The following ZNF532 variants were observed in gnomAD, a reference collection of about 807,000 sequenced individuals.
The protein encoded by ZNF532 is zinc finger protein 532.
ZNF532 carries 22 observed loss-of-function variants against 89.3 expected under a neutral mutation model. The ratio of observed to expected loss-of-function variants is 0.25; its 90% confidence interval spans 0.18 to 0.35. The LOEUF (loss-of-function observed/expected upper bound fraction) is 0.35, where lower values mean the gene tolerates loss of function less well. Among genes scored for constraint, ZNF532 ranks in the 10% least tolerant of loss-of-function variants. The probability of loss-of-function intolerance (pLI) is 1.00; values close to 1 mark genes in which losing one functional copy is unlikely to be tolerated. For missense variants in ZNF532, 1,132 were observed against 1,643.4 expected (o/e 0.69, Z 5.38); for synonymous variants, 606 against 649.6 (o/e 0.93, Z 1.02).
chr18:58,870,394 G>A (rs1388097639), intron 2 of ZNF532, among the ~76,000 whole-genome samples: 3 of 152,122 alleles, frequency 2.0e-5, no homozygotes, highest in Non-Finnish European at 4.4e-5. Flanking sequence ...GAATATGTGA[G>A]GCAGTCAGAG....
chr18:58,942,210 G>A (rs888805232), intron 5 of ZNF532, among the ~76,000 whole-genome samples: 2 of 151,446 alleles, frequency 1.3e-5, no homozygotes, highest in Non-Finnish European at 2.9e-5. Context: ...TTTTAGTAGA[G>A]ATGGGGTTTC....
At chr18:58,925,220 T>C (rs139922198) in intron 3 of ZNF532, among the ~76,000 whole-genome samples, 1 of 152,328 alleles carries the variant, frequency 6.6e-6, no homozygotes, top group East Asian at 1.9e-4. Flanking sequence ...TGTATCATTC[T>C]ATATTCCCAG....
At position 58,906,813 on chromosome 18, in the gene ZNF532, ATACTATG is replaced by A. The variant is rs144677366; in HGVS notation, c.-17-11455_-17-11449del. On this transcript the variant is annotated intron_variant, in intron 2 of 9. Transcript: ENST00000591808. ...TTATGTGATCTGAATTCCAGTATTA[ATACTATG>A]TAGGAATCTGGCTGTAAAGATTGAA... is the stretch of plus-strand genomic sequence containing the variant. Among the ~76,000 whole-genome samples, 494 of 152,338 alleles carry A rather than the reference ATACTATG, an allele frequency of 3.2e-3. 2 individuals carry two copies. The highest frequency in any genetic ancestry group is 0.011 in the African/African-American group (465 of 41,572).
At chr18:58,873,313 C>T (rs1386505171) in intron 2 of ZNF532, among the ~76,000 whole-genome samples, 1 of 152,196 alleles carries the variant, frequency 6.6e-6, no homozygotes, top group East Asian at 1.9e-4. Flanking sequence ...TGAGCCACTG[C>T]ACCCAACTAT....
chr18:58,964,683 C>G (rs924770443), intron 7 of ZNF532, among the ~76,000 whole-genome samples: 9 of 151,690 alleles, frequency 5.9e-5, no homozygotes, highest in Non-Finnish European at 1.0e-4. Flanking sequence ...CACTCTTGGT[C>G]ACGAGCAATC....
At chr18:58,954,097 C>G in intron 7 of ZNF532, 1 of 1,085,168 alleles carries the variant, frequency 9.2e-7, no homozygotes, top group Non-Finnish European at 1.1e-6. Context: ...AAATAGTAAA[C>G]CAAGGTTAAA....
intron 3 of ZNF532, among the ~76,000 whole-genome samples, chr18:58,922,327 G>A (rs932447211): frequency 3.3e-5 from 5 of 152,140 alleles, no homozygotes; most frequent in African/African-American, 9.7e-5. Flanking sequence ...ACTGGTTTAA[G>A]TTCTTTGTAG....
Position 58,970,606 on chromosome 18 carries a change from C to T in ZNF532, c.3151-8449C>T, listed in dbSNP as rs969245856. 8.5e-5 allele frequency among the ~76,000 whole-genome samples: 13 copies of T among 152,296 alleles called. No homozygotes were observed. The South Asian group carries it at 1.7e-3, about 19-fold the overall frequency. On this transcript the variant is annotated intron_variant, in intron 7 of 9. Transcript: ENST00000591808. Reference sequence around the variant, plus strand: ...GCACCTGTCAGCCCTCTTTCCAGGGCGTCAGTCATTGTGAAGGAGAGGCAG... The same window carrying T: ...GCACCTGTCAGCCCTCTTTCCAGGGTGTCAGTCATTGTGAAGGAGAGGCAG...
At chr18:58,942,564 G>A (rs757343014) in intron 5 of ZNF532, among the ~76,000 whole-genome samples, 1 of 152,154 alleles carries the variant, frequency 6.6e-6, no homozygotes, top group Non-Finnish European at 1.5e-5. Context: ...GCCCTCACCC[G>A]CAGCCTGACT....
chr18:58,919,245 C>G lies in ZNF532; in HGVS notation c.958C>G (p.Leu320Val), dbSNP rs2060843519. Residue 320 changes from leucine to valine, a missense_variant, in exon 3 of 10, where the codon CTC (leucine) becomes GTC (valine). By Grantham distance (32) the Leu-to-Val change is conservative. Transcript: ENST00000591808. This position sits in a 1 kb window ranked among gnomAD's most constrained non-coding sequence, Gnocchi z 6.1. ...TGACAAGTCTCCTGAATCCCAGAAT[C>G]TCATCGACGGGACCAAAAAACCATC... ...AADKSPESQN[L>V]IDGTKKPSLK... 1 of 1,613,964 alleles carries G rather than the reference C, an allele frequency of 6.2e-7. No individual in the cohort carries two copies. Among genetic ancestry groups the G allele is most frequent in the African/African-American group, 1.3e-5 (1 of 74,922 alleles).
chr18:58,958,699 G>A (rs1354787309), intron 7 of ZNF532, among the ~76,000 whole-genome samples: 1 of 152,204 alleles, frequency 6.6e-6, no homozygotes, highest in African/African-American at 2.4e-5. Context: ...ATACACACAA[G>A]TTGCAGTCTA....
rs2062933029 is a variant in ZNF532 at position 58,940,923 on chromosome 18, T to TACACCCAC, written c.2705+1306_2705+1307insCCACACAC. 6.7e-5 allele frequency among the ~76,000 whole-genome samples: 8 copies of TACACCCAC among 118,594 alleles called. No homozygotes were observed. The Admixed American group carries it at 6.8e-4, about 10-fold the overall frequency. 77.8% of individuals were successfully genotyped at this position (118,594 alleles called of 152,430 possible). ...GAAGATACACAGCTATGCCATATTTTACACACACACACACACACACACACA... is the reference window on the plus strand; with the variant it reads ...GAAGATACACAGCTATGCCATATTTTACACCCACACACACACACACACACACACACACA... On this transcript the variant is annotated intron_variant, in intron 5 of 9. Transcript: ENST00000591808.
rs188747539 is a variant in ZNF532, at chr18:58,932,384, C to G, written c.2347-2049C>G. On this transcript the variant is annotated intron_variant, in intron 3 of 9. Transcript: ENST00000591808. ...TTGATGAAAATGTGCAAATTTTTTT[C>G]AGGAACACTGTCTGCTTTTTAGATT... is the stretch of plus-strand genomic sequence containing the variant. 6.2e-3 allele frequency: 945 copies of G among 152,212 alleles called. 4 individuals carry two copies. Among genetic ancestry groups the G allele is most frequent in the Non-Finnish European group, 9.4e-3 (638 of 68,010 alleles). The allele number at this position is 152,212 out of a possible 1,614,324, so 9.4% of individuals were successfully genotyped here.
chr18:58,967,744 G>C (rs1048621331), intron 7 of ZNF532, among the ~76,000 whole-genome samples: 1 of 152,176 alleles, frequency 6.6e-6, no homozygotes, highest in Non-Finnish European at 1.5e-5. Context: ...GGCTGCTTCA[G>C]ACCTCAGTTT....
At chr18:58,939,893 GA>G (rs1568373994) in intron 5 of ZNF532, 2 of 247,724 alleles carry the variant, frequency 8.1e-6, no homozygotes, top group Non-Finnish European at 1.5e-5. Flanking sequence ...TTCTTAAGAT[GA>G]ATTTTTTTTT....
At chr18:58,936,826 C>G (rs546056671) in intron 4 of ZNF532, among the ~76,000 whole-genome samples, 157 of 152,292 alleles carry the variant, frequency 1.0e-3, no homozygotes, top group Middle Eastern at 3.4e-3. Flanking sequence ...GGCTTAGTAG[C>G]CCCGTGGCCT....
At chr18:58,885,898 C>A (rs1195793326) in intron 2 of ZNF532, among the ~76,000 whole-genome samples, 1 of 152,038 alleles carries the variant, frequency 6.6e-6, no homozygotes, top group Non-Finnish European at 1.5e-5. Context: ...ATTTCCCTCA[C>A]CCCGTTTCAT....
intron 3 of ZNF532, among the ~76,000 whole-genome samples, chr18:58,921,092 A>T (rs1292134923): frequency 1.3e-5 from 2 of 148,412 alleles, no homozygotes; most frequent in Non-Finnish European, 3.0e-5. Flanking sequence ...ATATCTCTTT[A>T]AAAAAAAAAG....
chr18:58,951,723 C>T (rs1478319291), intron 6 of ZNF532, among the ~76,000 whole-genome samples: 2 of 136,180 alleles, frequency 1.5e-5, no homozygotes, highest in African/African-American at 5.6e-5. Context: ...GATCTCTGCT[C>T]ACTGCAAGCT....
Sources: gnomAD v4.1 joint callset for allele counts (sites outside exome capture counted in the v4.1 genomes callset) on GRCh38, gnomAD v4.1.1 for gene constraint, Gnocchi (gnomAD v3.1) non-coding constraint, MANE v1.5 for transcripts, NCBI Gene and HGNC (gene_info 2026-07-23, HGNC 2026-07-21) for gene names.